Variants in STAB2 observed in about 807,000 individuals in gnomAD.
STAB2 encodes the protein stabilin 2.
STAB2 carries 288 observed loss-of-function variants against 338.1 expected under a neutral mutation model. The observed-to-expected ratio is 0.85, with a 90% CI of 0.77 to 0.94. STAB2 has a LOEUF of 0.94. Among genes scored for constraint, STAB2 ranks in the 40% least tolerant of loss-of-function variants. STAB2 has a pLI of 0.00. For missense variants in STAB2, 3,141 were observed against 3,210.1 expected (o/e 0.98, Z 0.52); for synonymous variants, 1,202 against 1,193.3 (o/e 1.01, Z -0.15).
chr12:103,685,890 C>A (rs1194668597), intron 27 of STAB2, among the ~76,000 whole-genome samples: 1 of 151,890 alleles, frequency 6.6e-6, no homozygotes, highest in Non-Finnish European at 1.5e-5. Flanking sequence ...CATTTATATT[C>A]TTTATTTTCT....
intron 45 of STAB2, 145 bp from the exon 46 acceptor site, chr12:103,725,971 T>C (rs931506681): frequency 1.5e-6 from 1 of 672,958 alleles, no homozygotes; most frequent in Non-Finnish European, 2.5e-6. Flanking sequence ...GAACGTTAAT[T>C]GTCAGCCTAC....
At chr12:103,760,162 T>C (rs1884433179) in intron 65 of STAB2, among the ~76,000 whole-genome samples, 1 of 152,172 alleles carries the variant, frequency 6.6e-6, no homozygotes, top group South Asian at 2.1e-4. Context: ...TTACCTGCTT[T>C]TAGGGAGACA....
chr12:103,590,775 A>G (rs1261092155), intron 1 of STAB2, 122 bp from the exon 2 acceptor site: 1 of 1,185,800 alleles, frequency 8.4e-7, no homozygotes, highest in Non-Finnish European at 1.2e-6. Flanking sequence ...CAACCTTATC[A>G]CCATCCCTGA....
intron 19 of STAB2, among the ~76,000 whole-genome samples, chr12:103,666,980 A>G (rs996902030): frequency 2.6e-5 from 4 of 152,230 alleles, no homozygotes; most frequent in South Asian, 2.1e-4. Flanking sequence ...CAGTTGTGCA[A>G]TGATCTATCA....
At chr12:103,604,777 A>G (rs2138574783) in intron 3 of STAB2, among the ~76,000 whole-genome samples, 1 of 151,164 alleles carries the variant, frequency 6.6e-6, no homozygotes, top group Admixed American at 6.6e-5. Flanking sequence ...AAGTTCATCC[A>G]TTTCATTCAC....
At chr12:103,727,210 C>G in intron 46 of STAB2, 57 bp from the exon 47 acceptor site, 6 of 1,588,316 alleles carry the variant, frequency 3.8e-6, no homozygotes, top group Non-Finnish European at 5.2e-6. Flanking sequence ...TAGTTTGAGC[C>G]CCGGCATGTA....
At chr12:103,651,923 C>G (rs1873774463) in intron 11 of STAB2, among the ~76,000 whole-genome samples, 1 of 152,208 alleles carries the variant, frequency 6.6e-6, no homozygotes, top group South Asian at 2.1e-4. Context: ...CTCTATTGTT[C>G]ACCTTCAGAG....
chr12:103,763,642 C>G, intron 68 of STAB2, 34 bp downstream of exon 68: 1 of 1,575,088 alleles, frequency 6.3e-7, no homozygotes, highest in Non-Finnish European at 8.7e-7. Flanking sequence ...AATAGGTTCC[C>G]TTGGGGTACA....
chr12:103,742,369 G>C, intron 55 of STAB2, 36 bp from the exon 56 acceptor site: 1 of 1,609,026 alleles, frequency 6.2e-7, no homozygotes, highest in Non-Finnish European at 8.5e-7. Flanking sequence ...CTGGCTTTGG[G>C]AGACTGTTGA....
intron 9 of STAB2, among the ~76,000 whole-genome samples, chr12:103,641,007 G>A (rs1440969334): frequency 6.6e-6 from 1 of 152,198 alleles, no homozygotes; most frequent in Non-Finnish European, 1.5e-5. Flanking sequence ...TAGAACCCAA[G>A]TCTTTGACTC....
intron 6 of STAB2, among the ~76,000 whole-genome samples, chr12:103,635,219 G>A (rs1957525235): frequency 1.3e-5 from 2 of 152,330 alleles, no homozygotes; most frequent in Non-Finnish European, 2.9e-5. Flanking sequence ...GGGCAGGCAT[G>A]CTCACTGCCA....
At chr12:103,698,965 C>A in intron 33 of STAB2, 131 bp from the exon 34 acceptor site, 3 of 1,129,188 alleles carry the variant, frequency 2.7e-6, no homozygotes, top group South Asian at 1.8e-5. Flanking sequence ...TGTCTTAATA[C>A]CTCTGTCAAA....
At chr12:103,653,656 C>CTGGATGGATGGA (rs59352583) in intron 12 of STAB2, among the ~76,000 whole-genome samples, 11 of 73,746 alleles carry the variant, frequency 1.5e-4, no homozygotes, top group East Asian at 7.8e-4. Context: ...GGATAGGTCA[C>CTGGATGGATGGA]TGGATGGATG....
At chr12:103,685,359 A>T (rs1381397645) in intron 27 of STAB2, among the ~76,000 whole-genome samples, 7 of 151,922 alleles carry the variant, frequency 4.6e-5, no homozygotes. Flanking sequence ...CTAAAGAGCA[A>T]CTAACTGGCC....
At chr12:103,589,889 C>A (rs533911390) in intron 1 of STAB2, among the ~76,000 whole-genome samples, 11 of 152,260 alleles carry the variant, frequency 7.2e-5, no homozygotes, top group African/African-American at 2.4e-4. Flanking sequence ...GTCTCAATAA[C>A]CTCAAGAGTG....
intron 10 of STAB2, 33 bp from the exon 11 acceptor site, chr12:103,650,463 G>A (rs12829198): frequency 0.22 from 345,602 of 1,601,666 alleles, 39,970 homozygotes; most frequent in South Asian, 0.38. Flanking sequence ...CTCATTTGGC[G>A]TTTTCTTTCT....
intron 3 of STAB2, among the ~76,000 whole-genome samples, chr12:103,598,731 C>T: frequency 6.6e-6 from 1 of 152,116 alleles, no homozygotes; most frequent in African/African-American, 2.4e-5. Context: ...ATTCCTCATA[C>T]CCCCACATTC....
At chr12:103,739,285 T>C (rs1882386710) in intron 53 of STAB2, 127 bp from the exon 54 acceptor site, 1 of 855,020 alleles carries the variant, frequency 1.2e-6, no homozygotes, top group Non-Finnish European at 1.7e-6. Flanking sequence ...CCTGTTTTCA[T>C]ATTCTTGATC....
intron 51 of STAB2, 47 bp from the exon 52 acceptor site, chr12:103,735,444 C>T (rs1301059760): frequency 1.1e-5 from 16 of 1,465,096 alleles, no homozygotes; most frequent in Non-Finnish European, 1.4e-5. Flanking sequence ...GCCGTCCCTT[C>T]TTCGGCCCAA....
Sources: allele counts gnomAD v4.1 joint callset (sites outside exome capture counted in the v4.1 genomes callset), GRCh38; gene constraint gnomAD v4.1.1; transcripts MANE v1.5; gene names NCBI Gene and HGNC (gene_info 2026-07-23, HGNC 2026-07-21).